The following PAMR1 variants were observed in gnomAD, a reference collection of about 807,000 sequenced individuals.
The protein encoded by PAMR1 is peptidase domain containing associated with muscle regeneration 1, also known as inactive serine protease PAMR1.
Under a neutral mutation model 81.8 loss-of-function variants are expected in PAMR1, and 88 were observed. That is an observed-to-expected ratio of 1.08 (90% CI 0.91 to 1.28). The LOEUF (loss-of-function observed/expected upper bound fraction) is 1.28, where lower values mean the gene tolerates loss of function less well. Among genes scored for constraint, PAMR1 ranks in the 50% most tolerant of loss-of-function variants. The probability of loss-of-function intolerance (pLI) is 0.00; values close to 1 mark genes in which losing one functional copy is unlikely to be tolerated. For missense variants in PAMR1, 935 were observed against 919.7 expected (o/e 1.02, Z -0.21); for synonymous variants, 336 against 345.3 (o/e 0.97, Z 0.30).
At chr11:35,455,903 GA>G (rs67132659) in intron 6 of PAMR1, among the ~76,000 whole-genome samples, 43,900 of 131,408 alleles carry the variant, frequency 0.33, 6,341 homozygotes, top group Admixed American at 0.37. Flanking sequence ...ACACTTAACA[GA>G]AAAAAAAAAA....
At chr11:35,433,674 G>C (rs1356247442) in intron 10 of PAMR1, among the ~76,000 whole-genome samples, 1 of 152,244 alleles carries the variant, frequency 6.6e-6, no homozygotes, top group Non-Finnish European at 1.5e-5. Context: ...TACAGTGAAA[G>C]GCACATTGTG....
intron 1 of PAMR1, among the ~76,000 whole-genome samples, chr11:35,512,813 C>T (rs889106689): frequency 1.3e-5 from 2 of 152,000 alleles, no homozygotes; most frequent in Admixed American, 6.5e-5. Flanking sequence ...GACAGCACAG[C>T]GAGACCCCAT....
At chr11:35,449,887 C>T (rs1856375780) in intron 6 of PAMR1, among the ~76,000 whole-genome samples, 1 of 152,156 alleles carries the variant, frequency 6.6e-6, no homozygotes, top group African/African-American at 2.4e-5. Flanking sequence ...CATCACTCCA[C>T]TCTGCTTTTC....
intron 1 of PAMR1, among the ~76,000 whole-genome samples, chr11:35,508,883 A>AT (rs1443985041): frequency 6.6e-6 from 1 of 152,092 alleles, no homozygotes; most frequent in Non-Finnish European, 1.5e-5. Context: ...ACTTGATGTC[A>AT]TTTTTTATGG....
chr11:35,461,972 G>T (rs1205133128), intron 6 of PAMR1, among the ~76,000 whole-genome samples: 3 of 151,972 alleles, frequency 2.0e-5, no homozygotes, highest in Non-Finnish European at 4.4e-5. Flanking sequence ...AAGACAGATT[G>T]AGCCTTTGTT....
At chr11:35,506,394 A>AT (rs1166206230) in intron 1 of PAMR1, among the ~76,000 whole-genome samples, 2 of 143,760 alleles carry the variant, frequency 1.4e-5, no homozygotes, top group African/African-American at 5.2e-5. Context: ...TTCAAAAAAA[A>AT]TTTTTTTTGC....
intron 3 of PAMR1, among the ~76,000 whole-genome samples, chr11:35,475,295 T>G (rs1311269627): frequency 6.6e-6 from 1 of 152,232 alleles, no homozygotes; most frequent in African/African-American, 2.4e-5. Context: ...AGAGATGATT[T>G]CCAACCAGTT....
upstream of PAMR1, chr11:35,528,944 G>T (rs1396531102): frequency 6.6e-6 from 1 of 152,238 alleles, no homozygotes; most frequent in Non-Finnish European, 1.5e-5. Flanking sequence ...GCAGTAATCA[G>T]ATATTACCTT....
intron 6 of PAMR1, among the ~76,000 whole-genome samples, chr11:35,453,751 T>C (rs1462618246): frequency 6.6e-6 from 1 of 152,218 alleles, no homozygotes; most frequent in Non-Finnish European, 1.5e-5. Flanking sequence ...TTCATTTATC[T>C]TCAGTGGGAT....
At chr11:35,495,165 CCCCTCA>C (rs1257510792) in intron 1 of PAMR1, among the ~76,000 whole-genome samples, 1 of 152,212 alleles carries the variant, frequency 6.6e-6, no homozygotes, top group Non-Finnish European at 1.5e-5. Flanking sequence ...CCAAACTTGG[CCCCTCA>C]GTTTTTCAGC....
At position 35,516,238 on chromosome 11, in the gene PAMR1, C is replaced by A. The variant is rs372685991; in HGVS notation, c.73+9275G>T. 4.9e-4 allele frequency among the ~76,000 whole-genome samples: 74 copies of A among 152,300 alleles called. 1 individual carries two copies. The South Asian group carries it at 0.013, about 28-fold the overall frequency. ...ATAAACGACAGAGCGAGGATTCAAA[C>A]CCTGATCAGTGTTTCAAACCACAAT... On this transcript the variant is annotated intron_variant, in intron 1 of 10. Coordinates refer to ENST00000619888, the MANE Select transcript of PAMR1 (RefSeq NM_001001991.3).
intron 1 of PAMR1, among the ~76,000 whole-genome samples, chr11:35,498,302 T>C (rs751919261): frequency 1.3e-5 from 2 of 152,120 alleles, no homozygotes; most frequent in African/African-American, 2.4e-5. Flanking sequence ...GGCTCAAACA[T>C]GGGAGTCAAC....
At chr11:35,473,496 C>A (rs116537027) in intron 4 of PAMR1, among the ~76,000 whole-genome samples, 1 of 152,168 alleles carries the variant, frequency 6.6e-6, no homozygotes, top group Non-Finnish European at 1.5e-5. Flanking sequence ...CAGCCTTGAG[C>A]TCAATGGGCG....
At chr11:35,484,328 C>A (rs1283863053) in intron 3 of PAMR1, among the ~76,000 whole-genome samples, 1 of 152,198 alleles carries the variant, frequency 6.6e-6, no homozygotes, top group Non-Finnish European at 1.5e-5. Flanking sequence ...CTGCTAACTG[C>A]CACCTAATAC....
chr11:35,454,790 C>T (rs1367056181), intron 6 of PAMR1, among the ~76,000 whole-genome samples: 1 of 152,154 alleles, frequency 6.6e-6, no homozygotes, highest in Non-Finnish European at 1.5e-5. Context: ...CAAGTAGAGG[C>T]CAGGTCCTCG....
rs767949766 is a variant in PAMR1 at position 35,435,611 on chromosome 11, C to A, written c.1333+292G>T. Among the ~76,000 whole-genome samples the A allele has an allele frequency of 2.0e-5, 3 of 152,102 alleles. No homozygotes were observed. The South Asian group carries it at 6.2e-4, about 32-fold the overall frequency. On this transcript the variant is annotated intron_variant, in intron 9 of 10. Coordinates refer to ENST00000619888, the MANE Select transcript of PAMR1 (RefSeq NM_001001991.3). ...GTAGCCAAGATTATATAACTTGAGGCCCTCTGGCACCTTTAACCCCTTTCC... is the reference window on the plus strand; with the variant it reads ...GTAGCCAAGATTATATAACTTGAGGACCTCTGGCACCTTTAACCCCTTTCC...
At chr11:35,465,445 G>A (rs1347401018) in intron 6 of PAMR1, among the ~76,000 whole-genome samples, 1 of 152,154 alleles carries the variant, frequency 6.6e-6, no homozygotes, top group African/African-American at 2.4e-5. Context: ...TCCTCATGAG[G>A]AAAACAAGAA....
At chr11:35,479,037 C>G (rs1449791426) in intron 3 of PAMR1, among the ~76,000 whole-genome samples, 5 of 152,092 alleles carry the variant, frequency 3.3e-5, no homozygotes, top group Admixed American at 3.3e-4. Context: ...AGTAAGACAG[C>G]TGGAAAAGGC....
chr11:35,467,018 T>C (rs1449857659), intron 6 of PAMR1, among the ~76,000 whole-genome samples: 1 of 152,136 alleles, frequency 6.6e-6, no homozygotes, highest in Non-Finnish European at 1.5e-5. Flanking sequence ...TTTGCCCACA[T>C]GCATAGAAAG....
Sources: allele counts gnomAD v4.1 joint callset (sites outside exome capture counted in the v4.1 genomes callset), GRCh38; gene constraint gnomAD v4.1.1; transcripts MANE v1.5; gene names NCBI Gene and HGNC (gene_info 2026-07-23, HGNC 2026-07-21).